GSE1: variants seen among roughly 807,000 people sequenced by gnomAD.
GSE1 encodes the protein Gse1 coiled-coil protein.
GSE1 carries 32 observed loss-of-function variants against 112.6 expected under a neutral mutation model. The ratio of observed to expected loss-of-function variants is 0.28; its 90% CI spans 0.21 to 0.38. The LOEUF is 0.38. GSE1 is among the 10% of genes least tolerant of loss of function. GSE1 has a pLI of 1.00. For missense variants in GSE1, 2,348 were observed against 1,699.2 expected (o/e 1.38, Z -6.71); for synonymous variants, 1,115 against 735.6 (o/e 1.52, Z -8.35).
intron 1 of GSE1, among the ~76,000 whole-genome samples, chr16:85,620,333 G>A (rs1344722252): frequency 6.6e-6 from 1 of 152,182 alleles, no homozygotes; most frequent in East Asian, 1.9e-4. Context: ...ACCCAGTCTC[G>A]GGATGTGAGT....
At chr16:85,409,248 G>A (rs1182711840) in intron 2 of GSE1, among the ~76,000 whole-genome samples, 19 of 30,760 alleles carry the variant, frequency 6.2e-4, no homozygotes, top group Non-Finnish European at 9.0e-4. Flanking sequence ...CAGGCCCCCC[G>A]GATAATCCTC....
At chr16:85,478,585 G>T (rs113300068) in intron 2 of GSE1, among the ~76,000 whole-genome samples, 1 of 150,846 alleles carries the variant, frequency 6.6e-6, no homozygotes, top group Admixed American at 6.6e-5. Flanking sequence ...CCATTCTTCA[G>T]TTGGTGGCCA....
intron 1 of GSE1, among the ~76,000 whole-genome samples, chr16:85,275,278 C>T (rs967782156): frequency 1.3e-5 from 2 of 152,286 alleles, no homozygotes; most frequent in African/African-American, 2.4e-5. Flanking sequence ...TCCAATAGCC[C>T]CCGTTCCTCC....
At chr16:85,206,072 A>T (rs2075109634) in intron 1 of GSE1, among the ~76,000 whole-genome samples, 1 of 151,930 alleles carries the variant, frequency 6.6e-6, no homozygotes, top group East Asian at 1.9e-4. Context: ...CAGGGCAGGT[A>T]GGGAACTGAC....
intron 2 of GSE1, among the ~76,000 whole-genome samples, chr16:85,496,700 G>A (rs910058445): frequency 5.9e-5 from 9 of 152,212 alleles, no homozygotes; most frequent in African/African-American, 9.6e-5. Context: ...ATTCGAGGCC[G>A]GGTTCCTTGG....
At position 85,264,500 on chromosome 16, in the gene GSE1, C is replaced by T. The variant is rs145977537; in HGVS notation, c.2283+92693C>T. ...CAGCATCACCGCCTCCCTCCTCGGC[C>T]GACTCTCCTCTGCACCTGCCACTCG... On this transcript the variant is annotated intron_variant, in intron 1 of 2. Transcript: ENST00000637419. Among the ~76,000 whole-genome samples the T allele has an allele frequency of 2.8e-4, 43 of 152,202 alleles. No homozygotes were observed. The East Asian group carries it at 7.6e-3, about 27-fold the overall frequency.
intron 1 of GSE1, among the ~76,000 whole-genome samples, chr16:85,173,439 T>C (rs2074398371): frequency 6.6e-6 from 1 of 152,140 alleles, no homozygotes; most frequent in East Asian, 1.9e-4. Flanking sequence ...TTGGGGGAAA[T>C]GTAAGTTCCC....
intron 1 of GSE1, among the ~76,000 whole-genome samples, chr16:85,212,992 C>T (rs1265024861): frequency 4.0e-5 from 6 of 151,864 alleles, no homozygotes; most frequent in East Asian, 3.9e-4. Flanking sequence ...GCCAGGCTGC[C>T]GGATGTGGTG....
intron 1 of GSE1, among the ~76,000 whole-genome samples, chr16:85,346,701 A>G (rs1011840441): frequency 2.7e-5 from 4 of 147,990 alleles, no homozygotes; most frequent in Non-Finnish European, 6.0e-5. Context: ...AGTGATTGAC[A>G]GGTAGATGGA....
At chr16:85,641,428 C>T (rs532510180) in intron 2 of GSE1, among the ~76,000 whole-genome samples, 8 of 152,054 alleles carry the variant, frequency 5.3e-5, no homozygotes, top group African/African-American at 1.4e-4. Flanking sequence ...CTGACGCCCC[C>T]CCCCGCCCTT....
intron 1 of GSE1, 84 bp from the exon 2 acceptor site, chr16:85,633,830 C>A: frequency 1.9e-6 from 2 of 1,055,682 alleles, no homozygotes; most frequent in Non-Finnish European, 2.9e-6. Flanking sequence ...CCTGCTGCTG[C>A]TGACACCGGC....
At chr16:85,243,754 A>G (rs1905352417) in intron 1 of GSE1, among the ~76,000 whole-genome samples, 1 of 152,250 alleles carries the variant, frequency 6.6e-6, no homozygotes, top group Admixed American at 6.5e-5. Context: ...GAACATGCAC[A>G]GGAAGGATCC....
intron 2 of GSE1, among the ~76,000 whole-genome samples, chr16:85,536,232 C>T (rs1454958869): frequency 1.3e-5 from 2 of 152,204 alleles, no homozygotes; most frequent in African/African-American, 4.8e-5. Flanking sequence ...CGTGGGGCCT[C>T]CCTGGCTTGC....
At chr16:85,480,387 G>A (rs1052021398) in intron 2 of GSE1, among the ~76,000 whole-genome samples, 7 of 152,186 alleles carry the variant, frequency 4.6e-5, no homozygotes, top group Admixed American at 1.3e-4. Context: ...GGGGGCGCGC[G>A]TGGCACCAGT....
At chr16:85,299,055 T>C (rs1188475921) in intron 1 of GSE1, among the ~76,000 whole-genome samples, 1 of 152,228 alleles carries the variant, frequency 6.6e-6, no homozygotes, top group East Asian at 1.9e-4. Context: ...TTCGTGACCC[T>C]GGTTCCTCTG....
intron 1 of GSE1, among the ~76,000 whole-genome samples, chr16:85,616,584 C>G (rs1412486034): frequency 6.6e-6 from 1 of 152,240 alleles, no homozygotes; most frequent in Admixed American, 6.5e-5. Context: ...CTTCCCCTCC[C>G]TTTCCTGGTG....
intron 2 of GSE1, among the ~76,000 whole-genome samples, chr16:85,417,532 C>A (rs1290447291): frequency 6.6e-6 from 1 of 152,226 alleles, no homozygotes; most frequent in Non-Finnish European, 1.5e-5. Context: ...TGCAGCATAG[C>A]GGTAGGAAGC....
chr16:85,402,923 A>T (rs976239559), intron 2 of GSE1, among the ~76,000 whole-genome samples: 2 of 152,036 alleles, frequency 1.3e-5, no homozygotes, highest in East Asian at 3.9e-4. Flanking sequence ...CTCAAAAAAA[A>T]AAAAAATTGC....
At chr16:85,216,259 C>T (rs1332889032) in intron 1 of GSE1, among the ~76,000 whole-genome samples, 2 of 152,194 alleles carry the variant, frequency 1.3e-5, no homozygotes, top group African/African-American at 2.4e-5. Context: ...AAAAAATTAG[C>T]CAGGCATGGT....
Sources: allele counts gnomAD v4.1 joint callset (sites outside exome capture counted in the v4.1 genomes callset), GRCh38; gene constraint gnomAD v4.1.1; transcripts MANE v1.5; gene names NCBI Gene and HGNC (gene_info 2026-07-23, HGNC 2026-07-21).